NAV1: variants seen among roughly 807,000 people sequenced by gnomAD.
NAV1 encodes the protein pore membrane and/or filament interacting like protein 3.
A neutral mutation model predicts 175.2 loss-of-function variants in NAV1; 18 were observed. The observed-to-expected ratio is 0.10, with a 90% CI of 0.07 to 0.15. The LOEUF (loss-of-function observed/expected upper bound fraction) is 0.15. Ranked by LOEUF, NAV1 falls within the 10% of genes least tolerant of loss-of-function variation. The pLI, the probability that NAV1 is intolerant of heterozygous loss-of-function variation, is 1.00. For missense variants in NAV1, 1,731 were observed against 2,436.6 expected (o/e 0.71, Z 6.10); for synonymous variants, 897 against 978.7 (o/e 0.92, Z 1.56).
intron 1 of NAV1, among the ~76,000 whole-genome samples, chr1:201,540,190 G>T (rs1244933279): frequency 6.6e-6 from 1 of 152,196 alleles, no homozygotes; most frequent in Non-Finnish European, 1.5e-5. Context: ...CGTCCACCCG[G>T]CAGAGAGGGT....
At chr1:201,570,611 G>C (rs1666506423) in intron 1 of NAV1, among the ~76,000 whole-genome samples, 2 of 152,234 alleles carry the variant, frequency 1.3e-5, no homozygotes, top group Non-Finnish European at 2.9e-5. Context: ...TTTTCTCCCT[G>C]TTACAGCCTG....
chr1:201,778,307 T>C (rs1389861850), intron 3 of NAV1, among the ~76,000 whole-genome samples: 1 of 152,224 alleles, frequency 6.6e-6, no homozygotes, highest in Non-Finnish European at 1.5e-5. Flanking sequence ...GCGAGGGTCC[T>C]TCCATAAGAG....
chr1:201,786,905 C>T (rs925878629), intron 9 of NAV1, among the ~76,000 whole-genome samples: 3 of 152,214 alleles, frequency 2.0e-5, no homozygotes, highest in African/African-American at 7.2e-5. Context: ...AAGGAGCCAC[C>T]ACACCCAGTA....
intron 3 of NAV1, among the ~76,000 whole-genome samples, chr1:201,728,178 G>A (rs905579748): frequency 5.9e-5 from 9 of 152,012 alleles, no homozygotes; most frequent in Non-Finnish European, 1.0e-4. Context: ...CTAGAGTTCA[G>A]TGGTGTAATC....
At chr1:201,786,407 G>A in intron 8 of NAV1, 22 bp from the exon 13 acceptor site, 1 of 1,605,334 alleles carries the variant, frequency 6.2e-7, no homozygotes. Context: ...CCCAGACTGA[G>A]TTCTTCTGCT....
intron 3 of NAV1, among the ~76,000 whole-genome samples, chr1:201,777,634 T>TTTGTTG (rs112249814): frequency 1.3e-5 from 2 of 150,770 alleles, no homozygotes; most frequent in African/African-American, 4.9e-5. Context: ...ATAGTGGGTT[T>TTTGTTG]TTGTTGTTGT....
At chr1:201,642,524 T>TCTTTC (rs879837511) in intron 2 of NAV1, among the ~76,000 whole-genome samples, 2 of 108,894 alleles carry the variant, frequency 1.8e-5, no homozygotes, top group Admixed American at 8.4e-5. Context: ...TTTCTTTCTT[T>TCTTTC]TTTTCTTTCT....
rs11588142 is a variant in NAV1 at position 201,718,278 on chromosome 1, G to A, written c.861-112G>A. ...AGGTGGAGCTTGGGCAGGTGGGGAG[G>A]AGGTGACAGGGCCTGTGGGTGGAGG... On this transcript the variant is annotated intron_variant, in intron 2 of 29. Transcript: ENST00000367296. This position sits in a 1 kb window ranked among gnomAD's most constrained non-coding sequence, Gnocchi z 4.8. 338,558 of 1,185,938 alleles carry A rather than the reference G, an allele frequency of 0.29. 52,333 individuals carry two copies. The highest frequency in any genetic ancestry group is 0.32 in the Non-Finnish European group (281,800 of 890,108). The allele number at this position is 1,185,938 out of a possible 1,614,324, so 73.5% of individuals were successfully genotyped here. A position where few individuals can be genotyped will look rare whatever the true frequency, so the allele number is the denominator to read the frequency against.
chr1:201,798,757 C>T (rs1427518746), intron 15 of NAV1: 1 of 112,278 alleles, frequency 8.9e-6, no homozygotes, highest in Non-Finnish European at 1.6e-5. Context: ...GACTGGAGTG[C>T]AGTGGTACAA....
chr1:201,729,914 T>A (rs1265251269), intron 3 of NAV1, among the ~76,000 whole-genome samples: 2 of 151,642 alleles, frequency 1.3e-5, no homozygotes, highest in African/African-American at 2.4e-5. Context: ...AAAAAAAAAA[T>A]AAAAGAATAA....
At chr1:201,636,895 G>A (rs934824641) in intron 2 of NAV1, among the ~76,000 whole-genome samples, 6 of 152,182 alleles carry the variant, frequency 3.9e-5, no homozygotes, top group Non-Finnish European at 8.8e-5. Flanking sequence ...ATGCAGGCAG[G>A]AGGGAGCACA....
At position 201,665,450 on chromosome 1, in the gene NAV1, A is replaced by G. The variant is rs371278259; in HGVS notation, c.757+16025A>G. Among the ~76,000 whole-genome samples, 4 of 152,188 alleles carry G rather than the reference A, an allele frequency of 2.6e-5. No individual in the cohort carries two copies. In the South Asian group the frequency reaches 8.3e-4, roughly 32 times the overall value. On this transcript the variant is annotated intron_variant, in intron 1 of 29. Transcript: ENST00000367296. ...GGCTCATGGAGATGGGGTGAGGCCTATCCTCCATTTCTGTCCGCACTAGCC... is the reference window on the plus strand; with the variant it reads ...GGCTCATGGAGATGGGGTGAGGCCTGTCCTCCATTTCTGTCCGCACTAGCC...
chr1:201,612,888 C>A (rs1667896133), intron 2 of NAV1, among the ~76,000 whole-genome samples: 1 of 151,774 alleles, frequency 6.6e-6, no homozygotes. Context: ...TGGTGTTGGT[C>A]TGAGGGGTGC....
intron 1 of NAV1, chr1:201,688,438 A>G (rs928063810): frequency 3.3e-5 from 5 of 152,198 alleles, no homozygotes; most frequent in African/African-American, 7.2e-5. Context: ...AGTGAAGAAG[A>G]TGATCTGGGA....
intron 1 of NAV1, among the ~76,000 whole-genome samples, chr1:201,549,865 G>T (rs779204526): frequency 2.6e-5 from 4 of 151,528 alleles, no homozygotes; most frequent in South Asian, 2.1e-4. Context: ...AAAAAAATTA[G>T]CCGGGTGTGG....
At chr1:201,582,114 G>C (rs1398185453) in intron 1 of NAV1, among the ~76,000 whole-genome samples, 1 of 152,150 alleles carries the variant, frequency 6.6e-6, no homozygotes, top group Non-Finnish European at 1.5e-5. Flanking sequence ...AAACAGACCA[G>C]GAACAGAGCT....
At position 201,783,969 on chromosome 1, in the gene NAV1, T is replaced by C. The variant is rs987368270; in HGVS notation, c.2804+117T>C. The C allele has an allele frequency of 6.1e-5, 55 of 895,966 alleles. No homozygotes were observed. In the African/African-American group the frequency reaches 7.5e-4, roughly 12 times the overall value. The allele number at this position is 895,966 out of a possible 1,614,324, so 55.5% of individuals were successfully genotyped here. On this transcript the variant is annotated intron_variant, in intron 7 of 29. Coordinates refer to ENST00000367296, the Ensembl canonical transcript of NAV1. ...TTGTGACTTTTGACATTTTTTCACA[T>C]ATATTAAGTAATTTAATTTGCTTCA...
At chr1:201,673,418 CA>C (rs1670125528) in intron 1 of NAV1, 1 of 152,224 alleles carries the variant, frequency 6.6e-6, no homozygotes, top group Non-Finnish European at 1.5e-5. Flanking sequence ...GCTGAAGTAG[CA>C]GCCTCAATTA....
rs149069859 is a variant in NAV1, at chr1:201,688,734, C to T, written c.758-24083C>T. Among the ~76,000 whole-genome samples, 14 of 152,318 alleles carry T rather than the reference C, an allele frequency of 9.2e-5. No individual in the cohort carries two copies. In the East Asian group the frequency reaches 1.2e-3, roughly 13 times the overall value. On this transcript the variant is annotated intron_variant, in intron 1 of 29. Coordinates refer to ENST00000367296, the Ensembl canonical transcript of NAV1. ...GCGATGAATTATTCTGTCCGATAATCGTCTTCGGAAGCAAAGGATTCATTA... is the reference window on the plus strand; with the variant it reads ...GCGATGAATTATTCTGTCCGATAATTGTCTTCGGAAGCAAAGGATTCATTA...
Sources: allele counts gnomAD v4.1 joint callset (sites outside exome capture counted in the v4.1 genomes callset), GRCh38; gene constraint gnomAD v4.1.1; non-coding constraint Gnocchi (gnomAD v3.1); transcripts MANE v1.5; gene names NCBI Gene and HGNC (gene_info 2026-07-23, HGNC 2026-07-21).